PIGS: variants seen among roughly 807,000 people sequenced by gnomAD.
PIGS encodes GPI-anchor transamidase component PIGS.
In PIGS, 37 loss-of-function variants were observed where a neutral mutation model predicts 58.2. That is an observed-to-expected ratio of 0.64 (90% CI 0.49 to 0.84). PIGS has a LOEUF of 0.84. Ranked by LOEUF, PIGS falls within the 40% of genes least tolerant of loss-of-function variation. PIGS has a pLI of 0.00. For missense variants in PIGS, 629 were observed against 710.8 expected, an observed-to-expected ratio of 0.88 and a Z score of 1.31; for synonymous variants, 269 against 289.2, an observed-to-expected ratio of 0.93 and a Z score of 0.71.
rs187505358 is a variant in PIGS, at chr17:28,556,167, G to A, written c.1180C>T (p.Arg394Trp). 68 of 1,611,548 alleles carry A rather than the reference G, an allele frequency of 4.2e-5. No individual in the cohort carries two copies. Among genetic ancestry groups the A allele is most frequent in the African/African-American group, 2.3e-4 (17 of 74,890 alleles). ...RVMEVFLAQL[R>W]LLFGIAQPQL... ...CAAGTGGATCATCCAGGACCTCACC[G>A]CAACTGTGCCAGGAACACCTCCATC... Residue 394 changes from arginine (R) to tryptophan (W), a missense_variant and splice_region_variant, in exon 10 of 12, where the codon CGG (arginine) becomes TGG (tryptophan). Coordinates refer to ENST00000308360, the MANE Select transcript of PIGS (RefSeq NM_033198.4).
intron 6 of PIGS, 56 bp downstream of exon 6, chr17:28,561,366 C>A: frequency 1.9e-6 from 3 of 1,574,776 alleles, no homozygotes; most frequent in Non-Finnish European, 2.6e-6. Context: ...AGATTTCCCT[C>A]CTGCCCCATG....
At chr17:28,564,715 CAAA>C (rs1185487806) in intron 3 of PIGS, among the ~76,000 whole-genome samples, 3 of 97,994 alleles carry the variant, frequency 3.1e-5, no homozygotes, top group Admixed American at 1.1e-4. Flanking sequence ...AACTCCATCT[CAAA>C]AAAAAAAAAA....
At chr17:28,561,275 A>T (rs142934949) in intron 6 of PIGS, 147 bp downstream of exon 6, 12,322 of 491,330 alleles carry the variant, frequency 0.025, 249 homozygotes, top group Middle Eastern at 0.081. Flanking sequence ...TAACTAAAAA[A>T]AATAATAATA....
intron 7 of PIGS, 130 bp downstream of exon 7, chr17:28,559,919 G>T: frequency 8.3e-7 from 1 of 1,207,584 alleles, no homozygotes. Flanking sequence ...CCACCCTTAT[G>T]ACACTCACAT....
At chr17:28,561,053 C>G (rs979924908) in intron 6 of PIGS, among the ~76,000 whole-genome samples, 14 of 152,076 alleles carry the variant, frequency 9.2e-5, no homozygotes, top group African/African-American at 3.4e-4. Context: ...GTCAGGAGAT[C>G]GAGACCATCC....
At chr17:28,559,939 C>A in intron 7 of PIGS, 110 bp downstream of exon 7, 1 of 1,389,924 alleles carries the variant, frequency 7.2e-7, no homozygotes, top group Non-Finnish European at 9.7e-7. Context: ...TACATATACA[C>A]ACAGGAAATT....
At chr17:28,559,930 AC>A in intron 7 of PIGS, 118 bp downstream of exon 7, 1 of 1,305,848 alleles carries the variant, frequency 7.7e-7, no homozygotes, top group East Asian at 2.5e-5. Flanking sequence ...ACACTCACAT[AC>A]ATATACACAC....
At chr17:28,565,984 T>C (rs992967882) in intron 3 of PIGS, among the ~76,000 whole-genome samples, 5 of 152,068 alleles carry the variant, frequency 3.3e-5, no homozygotes, top group Non-Finnish European at 5.9e-5. Context: ...TGAGCTGAGA[T>C]TGCGCCACTG....
intron 3 of PIGS, among the ~76,000 whole-genome samples, chr17:28,564,778 T>G (rs146336613): frequency 2.0e-5 from 3 of 148,050 alleles, no homozygotes; most frequent in Non-Finnish European, 3.0e-5. Context: ...ACTTGGGAGG[T>G]TGAGGTGGGA....
intron 11 of PIGS, 38 bp from the exon 12 acceptor site, chr17:28,554,533 T>C (rs767786826): frequency 1.3e-6 from 2 of 1,595,010 alleles, no homozygotes; most frequent in South Asian, 1.1e-5. Context: ...TACCAGTAAG[T>C]CCTAGGCATT....
intron 1 of PIGS, 108 bp from the exon 2 acceptor site, chr17:28,571,296 TGGG>T (rs1301942469): frequency 9.2e-6 from 14 of 1,527,024 alleles, no homozygotes; most frequent in Middle Eastern, 3.5e-4. Context: ...CCGCGTTCAT[TGGG>T]ATCTCCGTGC....
At position 28,571,118 on chromosome 17, in the gene PIGS, C is replaced by T. The variant is rs1245148172; in HGVS notation, c.105G>A (p.Trp35Ter). The change falls in exon 2 of 12, where the codon TGG (tryptophan) becomes TGA (stop). Residue 35 changes from tryptophan to a stop codon, truncating the protein, a stop_gained. Coordinates refer to ENST00000308360, the MANE Select transcript of PIGS (RefSeq NM_033198.4). LOFTEE classifies it high-confidence loss of function. Reference sequence around the variant, plus strand: ...CCCGGTAGGTCTCCGTGGTCTTCCACCAGAGCGGTAGCCCCAGCACGATGG... The same window carrying T: ...CCCGGTAGGTCTCCGTGGTCTTCCATCAGAGCGGTAGCCCCAGCACGATGG... The part of the protein sequence containing the change: ...AVAIVLGLPL[W>*]WKTTETYRAS... 1 of 1,613,920 alleles carries T rather than the reference C, an allele frequency of 6.2e-7. No individual in the cohort carries two copies. The highest frequency in any genetic ancestry group is 1.3e-5 in the African/African-American group (1 of 74,942).
At position 28,563,891 on chromosome 17, in the gene PIGS, T is replaced by C. The variant is rs770738299; in HGVS notation, c.303A>G (p.Lys101=). The C allele has an allele frequency of 1.9e-6, 3 of 1,614,036 alleles. No homozygotes were observed. The highest frequency in any genetic ancestry group is 2.2e-5 in the South Asian group (2 of 91,082). Residue 101 remains lysine (K), a synonymous_variant, in exon 4 of 12, where the codon AAA becomes AAG. Transcript: ENST00000308360. Reference sequence around the variant, plus strand: ...TCCGATAGGCCTTCTGGAAACGGCATTTGATTTTCATTTTGTCTGGGAGGG... The same window carrying C: ...TCCGATAGGCCTTCTGGAAACGGCACTTGATTTTCATTTTGTCTGGGAGGG... ...EIPLKYKMKI[K]CRFQKAYRRA... is the part of the protein sequence containing the mutation.
chr17:28,560,444 G>A (rs2070356730), intron 6 of PIGS: 1 of 417,124 alleles, frequency 2.4e-6, no homozygotes, highest in African/African-American at 2.1e-5. Context: ...AGCACTTCAA[G>A]ACCAGCCTGG....
intron 3 of PIGS, among the ~76,000 whole-genome samples, chr17:28,567,506 A>G (rs1245734019): frequency 6.6e-6 from 1 of 152,226 alleles, no homozygotes; most frequent in South Asian, 2.1e-4. Flanking sequence ...CAAAAAGACA[A>G]ATGCAACTTA....
At chr17:28,554,705 T>C in intron 11 of PIGS, 146 bp downstream of exon 11, 1 of 1,220,896 alleles carries the variant, frequency 8.2e-7, no homozygotes, top group Non-Finnish European at 1.2e-6. Flanking sequence ...TGGGGGCTGG[T>C]ACTGCCGTCT....
At chr17:28,566,620 G>A (rs992689135) in intron 3 of PIGS, among the ~76,000 whole-genome samples, 9 of 144,322 alleles carry the variant, frequency 6.2e-5, no homozygotes, top group Non-Finnish European at 1.4e-4. Context: ...TTGAGACAGA[G>A]TCTCGTTCTG....
At chr17:28,558,364 G>T in intron 8 of PIGS, 112 bp downstream of exon 8, 1 of 870,980 alleles carries the variant, frequency 1.1e-6, no homozygotes, top group Non-Finnish European at 1.8e-6. Flanking sequence ...CCCAACCTGG[G>T]AACCATCACT....
chr17:28,554,407 G>C lies in PIGS; in HGVS notation c.1481C>G (p.Ala494Gly), dbSNP rs148979149. 455 of 1,614,208 alleles carry C rather than the reference G, an allele frequency of 2.8e-4. 1 individual carries two copies. In the African/African-American group the frequency reaches 5.6e-3, roughly 20 times the overall value. The change falls in exon 12 of 12, where the codon GCT (alanine) becomes GGT (glycine). Residue 494 changes from alanine to glycine, a missense_variant. Physicochemically the swap from Ala to Gly is moderately conservative, Grantham distance 60. Coordinates refer to ENST00000308360, the MANE Select transcript of PIGS (RefSeq NM_033198.4). ...LASAFVASQE[A>G]VTSSELAFFD... ...GAAGGCAAGCTCAGAGGATGTCACA[G>C]CTTCCTGGCTGGCGACAAAGGCAGA... is the stretch of plus-strand genomic sequence containing the variant.
Sources: allele counts gnomAD v4.1 joint callset (sites outside exome capture counted in the v4.1 genomes callset), GRCh38; gene constraint gnomAD v4.1.1; transcripts MANE v1.5; gene names NCBI Gene and HGNC (gene_info 2026-07-23, HGNC 2026-07-21).